TTN: variants seen among roughly 807,000 people sequenced by gnomAD.
TTN encodes the protein titin.
Under a neutral mutation model 3,223.0 loss-of-function variants are expected in TTN, and 1,525 were observed. That is an observed-to-expected ratio of 0.47 (90% CI 0.45 to 0.49). The LOEUF (loss-of-function observed/expected upper bound fraction) is 0.49, where lower values mean the gene tolerates loss of function less well. Among genes scored for constraint, TTN ranks in the 20% least tolerant of loss-of-function variants. The pLI is 0.00. For synonymous variants in TTN, 14,094 were observed against 15,161.0 expected (o/e 0.93, Z 5.17); for missense variants, 40,786 against 43,424.0 (o/e 0.94, Z 5.40).
rs545806408 is a variant in TTN, at chr2:178,635,514, G to A, written c.41810C>T (p.Ala13937Val). ...ATACTCAGCAATATCTTCTGGCATA[G>A]CATTCTTAATTTTGAGGTACAGATG... ...GNHLYLKIKN[A>V]MPEDIAEYAV... is the part of the protein sequence containing the mutation. The change falls in exon 227 of 363, where the codon GCT (alanine) becomes GTT (valine). Residue 13937 changes from alanine to valine, a missense_variant. Ala to Val is a moderately conservative substitution (Grantham distance 64). Coordinates refer to ENST00000589042, the MANE Select transcript of TTN (RefSeq NM_001267550.2). 1.7e-4 allele frequency: 271 copies of A among 1,601,204 alleles called. 4 individuals carry two copies. The South Asian group carries it at 2.8e-3, about 16-fold the overall frequency.
intron 20 of TTN, 126 bp from the exon 21 acceptor site, chr2:178,781,389 T>A: frequency 9.5e-7 from 1 of 1,052,196 alleles, no homozygotes; most frequent in Non-Finnish European, 1.4e-6. Flanking sequence ...ATGACTAAGC[T>A]CCACAATAGA....
intron 43 of TTN, among the ~76,000 whole-genome samples, chr2:178,761,523 A>T (rs2089193998): frequency 1.3e-5 from 2 of 152,108 alleles, no homozygotes; most frequent in Non-Finnish European, 2.9e-5. Context: ...TGACTTGGAG[A>T]TGTTGTTTTC....
chr2:178,617,716 T>C, intron 253 of TTN, 63 bp downstream of exon 253: 4 of 1,561,522 alleles, frequency 2.6e-6, no homozygotes, highest in Non-Finnish European at 2.6e-6. Context: ...TGATTTATTT[T>C]AATTGATAGG....
At chr2:178,669,494 A>G (rs1416858150) in intron 158 of TTN, 47 bp from the exon 159 acceptor site, 1 of 1,576,234 alleles carries the variant, frequency 6.3e-7, no homozygotes, top group Non-Finnish European at 8.6e-7. Flanking sequence ...CAAATATAAG[A>G]TACGAAATAC....
chr2:178,806,944 C>G (rs1341378793), intron 1 of TTN, among the ~76,000 whole-genome samples: 1 of 152,134 alleles, frequency 6.6e-6, no homozygotes, highest in African/African-American at 2.4e-5. Context: ...ACATTTCAGA[C>G]CTCAACTTTT....
At chr2:178,668,947 C>G (rs1296500570) in intron 159 of TTN, among the ~76,000 whole-genome samples, 1 of 150,394 alleles carries the variant, frequency 6.6e-6, no homozygotes, top group Non-Finnish European at 1.5e-5. Flanking sequence ...GTCCTTTGAG[C>G]AGTTTTGCCA....
At position 178,527,218 on chromosome 2, in the gene TTN, G is replaced by C. The variant is rs752429003; in HGVS notation, c.107770C>G (p.Pro35924Ala). 1 of 1,613,866 alleles carries C rather than the reference G, an allele frequency of 6.2e-7. No homozygotes were observed. The highest frequency in any genetic ancestry group is 8.5e-7 in the Non-Finnish European group (1 of 1,179,858). ...CAGGACCATGTTACTTCTGGGGTAG[G>C]CTCACCCGTGAAAGCACAGGCTACT... ...LTVACAFTGE[P>A]TPEVTWSCGG... The change falls in exon 363 of 363, where the codon CCT becomes GCT. Residue 35924 changes from proline (P) to alanine (A), a missense_variant. Coordinates refer to ENST00000589042, the MANE Select transcript of TTN (RefSeq NM_001267550.2).
chr2:178,742,119 G>C (rs2082603105), intron 47 of TTN, among the ~76,000 whole-genome samples, 198 bp from the exon 48 acceptor site: 1 of 151,912 alleles, frequency 6.6e-6, no homozygotes, highest in Non-Finnish European at 1.5e-5. Context: ...CAAAATTATA[G>C]ATACTGTACA....
rs1309877768 is a variant in TTN at position 178,574,162 on chromosome 2, T to C, written c.71970A>G (p.Thr23990=). ...CACGGAATTCATATGCAGCATCTTCTGTTAGGCCACTGACTGTAAATTCAT... is the reference window on the plus strand; with the variant it reads ...CACGGAATTCATATGCAGCATCTTCCGTTAGGCCACTGACTGTAAATTCAT... The part of the protein sequence containing the change: ...LENEFTVSGL[T]EDAAYEFRVI... Residue 23990 remains threonine (T), a synonymous_variant, in exon 326 of 363, where the codon ACA becomes ACG. Coordinates refer to ENST00000589042, the MANE Select transcript of TTN (RefSeq NM_001267550.2). 1 of 1,613,516 alleles carries C rather than the reference T, an allele frequency of 6.2e-7. No individual in the cohort carries two copies.
At position 178,614,139 on chromosome 2, in the gene TTN, C is replaced by T. The variant is rs764682084; in HGVS notation, c.49258G>A (p.Glu16420Lys). ...TCTGCAGCAACTCTGAAGATGTACT[C>T]TTTATTGGGGATTAATTTGGTGGCC... ...FKATKLIPNK[E>K]YIFRVAAENM... Residue 16420 changes from glutamate (E) to lysine (K), a missense_variant, in exon 262 of 363, where the codon GAG (glutamate) becomes AAG (lysine). Glu to Lys is a moderately conservative substitution (Grantham distance 56, BLOSUM62 1). Coordinates refer to ENST00000589042, the MANE Select transcript of TTN (RefSeq NM_001267550.2). 6.2e-6 allele frequency: 10 copies of T among 1,612,292 alleles called. No individual in the cohort carries two copies. Among genetic ancestry groups the T allele is most frequent in the South Asian group, 1.1e-5 (1 of 91,046 alleles).
At position 178,531,499 on chromosome 2, in the gene TTN, T is replaced by C; in HGVS notation, c.105116A>G (p.Tyr35039Cys). The change falls in exon 358 of 363, where the codon TAT becomes TGT. Residue 35039 changes from tyrosine (Y) to cysteine (C), a missense_variant. Tyr to Cys is a radical substitution (Grantham distance 194). Coordinates refer to ENST00000589042, the MANE Select transcript of TTN (RefSeq NM_001267550.2). ...LDVTGGDYTT[Y>C]ASQRRDEEVP... ...CTCTTCATCTCTGCGTTGGGAAGCA[T>C]AGGTGGTATAATCCCCTCCTGTCAC... is the stretch of plus-strand genomic sequence containing the variant. 6.2e-7 allele frequency: 1 copy of C among 1,613,924 alleles called. No homozygotes were observed. Among genetic ancestry groups the C allele is most frequent in the East Asian group, 2.2e-5 (1 of 44,880 alleles).
Position 178,535,591 on chromosome 2 carries a change from A to G in TTN, c.101024T>C (p.Phe33675Ser). Reference protein sequence around the residue: ...GFYVVCAKNRFGIDQKTVELD... With the variant: ...GFYVVCAKNRSGIDQKTVELD... ...TTCAACTGTCTTCTGATCAATTCCAAATCTGTTTTTAGCACAGACCACATA... is the reference window on the plus strand; with the variant it reads ...TTCAACTGTCTTCTGATCAATTCCAGATCTGTTTTTAGCACAGACCACATA... Residue 33675 changes from phenylalanine to serine, a missense_variant, in exon 358 of 363, where the codon TTT becomes TCT. Coordinates refer to ENST00000589042, the MANE Select transcript of TTN (RefSeq NM_001267550.2). The G allele has an allele frequency of 6.2e-7, 1 of 1,613,762 alleles. No individual in the cohort carries two copies. Among genetic ancestry groups the G allele is most frequent in the Non-Finnish European group, 8.5e-7 (1 of 1,179,780 alleles).
chr2:178,618,357 T>C lies in TTN; in HGVS notation c.47101A>G (p.Arg15701Gly). The C allele has an allele frequency of 6.2e-7, 1 of 1,612,624 alleles. No individual in the cohort carries two copies. Among genetic ancestry groups the C allele is most frequent in the South Asian group, 1.1e-5 (1 of 91,068 alleles). ...TCTGTGGCCAGAACCCAGGTCTTTC[T>C]CTTAATGTCACGTCTTTCAACAACG... is the stretch of plus-strand genomic sequence containing the variant. ...GYVVERRDIKRKTWVLATDRA... is the reference protein window; with the variant it reads ...GYVVERRDIKGKTWVLATDRA... Residue 15701 changes from arginine (R) to glycine (G), a missense_variant, in exon 252 of 363, where the codon AGA becomes GGA. Arg to Gly is a moderately radical substitution (Grantham distance 125, BLOSUM62 -2). Coordinates refer to ENST00000589042, the MANE Select transcript of TTN (RefSeq NM_001267550.2).
In TTN at chr2:178,618,234, C is replaced by T. The variant is rs1233336228; in HGVS notation, c.47224G>A (p.Glu15742Lys). The T allele has an allele frequency of 1.9e-6, 3 of 1,612,824 alleles. No homozygotes were observed. Among genetic ancestry groups the T allele is most frequent in the Non-Finnish European group, 2.5e-6 (3 of 1,179,186 alleles). Reference sequence around the variant, plus strand: ...ACAGGATTGTCAGTTTCTACTGGCTCACCAGTGCCAACTCTGTTTCTTGCA... The same window carrying T: ...ACAGGATTGTCAGTTTCTACTGGCTTACCAGTGCCAACTCTGTTTCTTGCA... ...VSARNRVGTGEPVETDNPVEA... is the reference protein window; with the variant it reads ...VSARNRVGTGKPVETDNPVEA... Residue 15742 changes from glutamate (E) to lysine (K), a missense_variant, in exon 252 of 363, where the codon GAG (glutamate) becomes AAG (lysine). By Grantham distance (56) the Glu-to-Lys change is moderately conservative. Coordinates refer to ENST00000589042, the MANE Select transcript of TTN (RefSeq NM_001267550.2).
rs984157404 is a variant in TTN, at chr2:178,766,564, C to T, written c.9520G>A (p.Asp3174Asn). ...AVVEFEVNED[D>N]VDAHWYKDGI... Reference sequence around the variant, plus strand: ...TCTTTATACCAGTGGGCATCAACATCGTCTTCATTGACCTCAAATTCAACA... The same window carrying T: ...TCTTTATACCAGTGGGCATCAACATTGTCTTCATTGACCTCAAATTCAACA... Residue 3174 changes from aspartate to asparagine, a missense_variant, in exon 41 of 363, where the codon GAT becomes AAT. Coordinates refer to ENST00000589042, the MANE Select transcript of TTN (RefSeq NM_001267550.2). 5.6e-6 allele frequency: 9 copies of T among 1,613,942 alleles called. No individual in the cohort carries two copies. The highest frequency in any genetic ancestry group is 4.5e-5 in the East Asian group (2 of 44,860).
In TTN at chr2:178,589,135, T is replaced by C; in HGVS notation, c.62590A>G (p.Lys20864Glu). The change falls in exon 304 of 363, where the codon AAG becomes GAG. Residue 20864 changes from lysine to glutamate, a missense_variant. Transcript: ENST00000589042. ...VAYATVNVLD[K>E]PGPVRNLKIV... ...TTCAGATTTCTCACAGGACCAGGCTTATCTAAAACATTGACAGTGGCATAG... is the reference window on the plus strand; with the variant it reads ...TTCAGATTTCTCACAGGACCAGGCTCATCTAAAACATTGACAGTGGCATAG... 1 of 1,613,054 alleles carries C rather than the reference T, an allele frequency of 6.2e-7. No homozygotes were observed. The highest frequency in any genetic ancestry group is 2.2e-5 in the East Asian group (1 of 44,716).
chr2:178,712,457 A>G lies in TTN; in HGVS notation c.27465T>C (p.Ser9155=). 3 of 1,613,796 alleles carry G rather than the reference A, an allele frequency of 1.9e-6. No homozygotes were observed. The highest frequency in any genetic ancestry group is 2.5e-6 in the Non-Finnish European group (3 of 1,179,826). The part of the protein sequence containing the change: ...WKKNGINVTP[S]QRCNITTTEK... ...CAGTCGTAGTTATATTACACCTCTGAGAAGGAGTTACATTTATGCCATTTT... is the reference window on the plus strand; with the variant it reads ...CAGTCGTAGTTATATTACACCTCTGGGAAGGAGTTACATTTATGCCATTTT... Residue 9155 remains serine (S), a synonymous_variant, in exon 95 of 363, where the codon TCT becomes TCC. Coordinates refer to ENST00000589042, the MANE Select transcript of TTN (RefSeq NM_001267550.2).
chr2:178,735,516 A>G lies in TTN; in HGVS notation c.14930T>C (p.Val4977Ala). Residue 4977 changes from valine to alanine, a missense_variant, in exon 50 of 363, where the codon GTC becomes GCC. Transcript: ENST00000589042. ...GSSSCSATVTVREPPSFVKKV... is the reference protein window; with the variant it reads ...GSSSCSATVTAREPPSFVKKV... ...TACATTCACACGTTTCTTACCTCTG[A>G]CAGTGACTGTGGCTGAGCAGGAGCT... is the stretch of plus-strand genomic sequence containing the variant. 1 of 1,574,694 alleles carries G rather than the reference A, an allele frequency of 6.4e-7. No individual in the cohort carries two copies. Among genetic ancestry groups the G allele is most frequent in the Non-Finnish European group, 8.6e-7 (1 of 1,164,502 alleles).
Position 178,618,747 on chromosome 2 carries a change from C to T in TTN, c.46803G>A (p.Trp15601Ter), listed in dbSNP as rs1576521473. The T allele has an allele frequency of 6.2e-7, 1 of 1,611,740 alleles. No homozygotes were observed. Among genetic ancestry groups the T allele is most frequent in the Non-Finnish European group, 8.5e-7 (1 of 1,178,750 alleles). ...TAGATAAAGGTTCATTTTCTTTAAA[C>T]CATTCAGCTTCTGCTTTGGGGTAGG... ...YDAYPKAEAE[W>*]FKENEPLSTK... The change falls in exon 251 of 363, where the codon TGG becomes TGA. Residue 15601 changes from tryptophan to a stop codon, truncating the protein, a stop_gained. Coordinates refer to ENST00000589042, the MANE Select transcript of TTN (RefSeq NM_001267550.2). LOFTEE classifies it high-confidence loss of function.
Sources: gnomAD v4.1 joint callset for allele counts (sites outside exome capture counted in the v4.1 genomes callset) on GRCh38, gnomAD v4.1.1 for gene constraint, MANE v1.5 for transcripts, NCBI Gene and HGNC (gene_info 2026-07-23, HGNC 2026-07-21) for gene names.